Variants in USP54 observed in about 807,000 individuals in gnomAD.
The protein encoded by USP54 is ubiquitin specific peptidase 54, also known as ubiquitin carboxyl-terminal hydrolase 54.
In USP54, 87 loss-of-function variants were observed where a neutral mutation model predicts 170.5. The observed-to-expected ratio is 0.51, with a 90% CI of 0.43 to 0.61. USP54 has a LOEUF of 0.61. USP54 is among the 20% of genes least tolerant of loss of function. The pLI is 0.00. For synonymous variants in USP54, 655 were observed against 742.8 expected (o/e 0.88, Z 1.92); for missense variants, 1,786 against 2,047.8 (o/e 0.87, Z 2.47).
intron 20 of USP54, among the ~76,000 whole-genome samples, chr10:73,511,031 G>C (rs1234396803): frequency 1.3e-5 from 2 of 151,826 alleles, no homozygotes; most frequent in Non-Finnish European, 2.9e-5. Flanking sequence ...GCCTGGGGTT[G>C]GGGGAAGAAA....
chr10:73,517,335 C>A lies in USP54; in HGVS notation c.3091G>T (p.Asp1031Tyr). 1.2e-6 allele frequency: 2 copies of A among 1,612,146 alleles called. No homozygotes were observed. The highest frequency in any genetic ancestry group is 2.2e-5 in the East Asian group (1 of 44,852). ...AQEQLFQEKK[D>Y]PANPSPVMPG... ...ATCACCGGGGAGGGGTTAGCAGGATCCTTCTTTTCTTGGAACAGCTGTTCT... is the reference window on the plus strand; with the variant it reads ...ATCACCGGGGAGGGGTTAGCAGGATACTTCTTTTCTTGGAACAGCTGTTCT... The change falls in exon 20 of 24, where the codon GAT (aspartate) becomes TAT (tyrosine). Residue 1031 changes from aspartate (D) to tyrosine (Y), a missense_variant. Asp to Tyr is a radical substitution (Grantham distance 160, BLOSUM62 -3). Around this residue, in one of 3 missense-constraint regions of USP54, gnomAD observed 1,418 missense variants for 1,569.0 expected, o/e 0.90. Transcript: ENST00000687698.
chr10:73,616,035 G>A (rs1052165377), intron 1 of USP54, among the ~76,000 whole-genome samples: 3 of 149,954 alleles, frequency 2.0e-5, no homozygotes, highest in Non-Finnish European at 4.4e-5. Context: ...GGCAAAACTC[G>A]TCTCTACTAA....
At chr10:73,593,100 T>C (rs942054678), upstream of USP54, among the ~76,000 whole-genome samples, 2 of 151,822 alleles carry the variant, frequency 1.3e-5, no homozygotes, top group African/African-American at 2.4e-5. Flanking sequence ...GGCTCACGCC[T>C]GTAATCCCAG....
intron 4 of USP54, among the ~76,000 whole-genome samples, chr10:73,556,345 C>CTT (rs954299268): frequency 2.1e-4 from 28 of 133,826 alleles, no homozygotes; most frequent in African/African-American, 4.7e-4. Flanking sequence ...CTTTTTTTTT[C>CTT]TTTTTTTTTT....
intron 1 of USP54, among the ~76,000 whole-genome samples, chr10:73,622,567 G>A (rs999103972): frequency 2.6e-5 from 4 of 151,902 alleles, no homozygotes; most frequent in Non-Finnish European, 5.9e-5. Context: ...CAACTGATCC[G>A]CCCACCTCAG....
chr10:73,527,290 G>A (rs535464398), intron 15 of USP54, among the ~76,000 whole-genome samples: 1 of 152,086 alleles, frequency 6.6e-6, no homozygotes, highest in South Asian at 2.1e-4. Flanking sequence ...ATGAGATCAA[G>A]AGATCAAGAC....
At chr10:73,538,353 T>C (rs2133473354) in intron 10 of USP54, 1 of 152,072 alleles carries the variant, frequency 6.6e-6, no homozygotes, top group South Asian at 2.1e-4. Context: ...CATAGCAAGG[T>C]AGTCAGTAAT....
chr10:73,504,699 A>C, intron 22 of USP54, 151 bp downstream of exon 22: 1 of 1,020,270 alleles, frequency 9.8e-7, no homozygotes, highest in East Asian at 2.6e-5. Context: ...TTGTAAATAA[A>C]ATAATGACTG....
chr10:73,623,200 T>G (rs1365072911), intron 1 of USP54, among the ~76,000 whole-genome samples: 1 of 151,980 alleles, frequency 6.6e-6, no homozygotes, highest in Admixed American at 6.6e-5. Flanking sequence ...TTAGGCAACA[T>G]AGCAAGACCT....
chr10:73,534,811 C>T, intron 11 of USP54, 41 bp from the exon 12 acceptor site: 1 of 1,586,342 alleles, frequency 6.3e-7, no homozygotes, highest in Non-Finnish European at 8.6e-7. Flanking sequence ...AGTGAGGAAA[C>T]AGAACAGTAG....
chr10:73,615,961 C>A (rs1410463334), intron 1 of USP54, among the ~76,000 whole-genome samples: 1 of 147,996 alleles, frequency 6.8e-6, no homozygotes, highest in Admixed American at 6.7e-5. Flanking sequence ...AATCCCAGCA[C>A]TTTGGGAGGC....
intron 1 of USP54, among the ~76,000 whole-genome samples, chr10:73,619,077 G>C (rs555066488): frequency 6.7e-6 from 1 of 150,096 alleles, no homozygotes; most frequent in Non-Finnish European, 1.5e-5. Flanking sequence ...GCTAAGTATG[G>C]TGGGGCGTGC....
Position 73,519,801 on chromosome 10 carries a change from T to C in USP54, c.2674A>G (p.Thr892Ala). 1.2e-6 allele frequency: 2 copies of C among 1,613,938 alleles called. No homozygotes were observed. Among genetic ancestry groups the C allele is most frequent in the Non-Finnish European group, 8.5e-7 (1 of 1,179,910 alleles). Reference protein sequence around the residue: ...PTQAGTLSQPTSEQPIPLQVL... With the variant: ...PTQAGTLSQPASEQPIPLQVL... ...AACATGGTTCCCAAGCACTACCTTG[T>C]TGGCTGAGAGAGAGTCCCCGCCTGT... Residue 892 changes from threonine to alanine, a missense_variant, in exon 19 of 24, where the codon ACA (threonine) becomes GCA (alanine). Physicochemically the swap from Thr to Ala is moderately conservative, Grantham distance 58 (BLOSUM62 0). Around this residue, in one of 3 missense-constraint regions of USP54, gnomAD observed 1,418 missense variants for 1,569.0 expected, o/e 0.90. Coordinates refer to ENST00000687698, the MANE Select transcript of USP54 (RefSeq NM_001391956.1).
intron 15 of USP54, among the ~76,000 whole-genome samples, 174 bp from the exon 16 acceptor site, chr10:73,526,954 C>T (rs1173334501): frequency 6.6e-6 from 1 of 152,224 alleles, no homozygotes; most frequent in Admixed American, 6.5e-5. Flanking sequence ...CCTCATCTCA[C>T]CTCATTCACA....
At chr10:73,581,580 T>C (rs1808369318) in intron 1 of USP54, among the ~76,000 whole-genome samples, 1 of 152,224 alleles carries the variant, frequency 6.6e-6, no homozygotes, top group Non-Finnish European at 1.5e-5. Context: ...CTGAATTGCA[T>C]AAGCTTCAAG....
intron 1 of USP54, among the ~76,000 whole-genome samples, chr10:73,624,183 TATATATATA>T: frequency 8.4e-6 from 1 of 119,102 alleles, no homozygotes; most frequent in South Asian, 3.6e-4. Context: ...TATATATATA[TATATATATA>T]TATGTATTTT....
chr10:73,602,728 C>A (rs183772926), intron 1 of USP54, among the ~76,000 whole-genome samples: 1,520 of 151,436 alleles, frequency 0.01, 18 homozygotes, highest in South Asian at 0.031. Context: ...TGGTGGTGTG[C>A]GCCTGTAGTC....
Position 73,498,890 on chromosome 10 carries a change from G to A in USP54, c.4794C>T (p.Pro1598=), listed in dbSNP as rs1467153637. The A allele has an allele frequency of 6.2e-7, 1 of 1,613,484 alleles. No homozygotes were observed. The highest frequency in any genetic ancestry group is 8.5e-7 in the Non-Finnish European group (1 of 1,179,520). The stretch of plus-strand genomic sequence containing the variant: ...ATGGTGGGTACACAGGATGAACAAT[G>A]GGAGGGTGGGAGGGTGAATGGAAAA... ...SDLFHSPSHP[P]IVHPVYPPSS... is the part of the protein sequence containing the mutation. Residue 1598 remains proline, a synonymous_variant, in exon 24 of 24, where the codon CCC becomes CCT. Coordinates refer to ENST00000687698, the MANE Select transcript of USP54 (RefSeq NM_001391956.1).
At chr10:73,513,543 T>G (rs2060552504) in intron 20 of USP54, 1 of 152,024 alleles carries the variant, frequency 6.6e-6, no homozygotes, top group South Asian at 2.1e-4. Context: ...AGTACATTCA[T>G]ATGAAACACT....
Sources: allele counts gnomAD v4.1 joint callset (sites outside exome capture counted in the v4.1 genomes callset), GRCh38; gene constraint gnomAD v4.1.1; regional missense constraint gnomAD v4.1.1; transcripts MANE v1.5; gene names NCBI Gene and HGNC (gene_info 2026-07-23, HGNC 2026-07-21).